The following MSRA variants were observed in gnomAD, a reference collection of about 807,000 sequenced individuals.
MSRA encodes methionine sulfoxide reductase A.
In MSRA, 54 loss-of-function variants were observed where a neutral mutation model predicts 31.3. The ratio of observed to expected loss-of-function variants is 1.73; its 90% CI spans 1.39 to 2.17. MSRA has a LOEUF of 2.17. Among genes scored for constraint, MSRA ranks in the 30% most tolerant of loss-of-function variants. The pLI is 0.00. For synonymous variants in MSRA, 169 were observed against 116.5 expected (o/e 1.45, Z -2.90); for missense variants, 507 against 300.9 (o/e 1.69, Z -5.07).
At chr8:10,344,742 G>A (rs1013328708) in intron 5 of MSRA, among the ~76,000 whole-genome samples, 14 of 152,164 alleles carry the variant, frequency 9.2e-5, no homozygotes, top group African/African-American at 2.9e-4. Flanking sequence ...GGATAGCTTC[G>A]TTCACCAACA....
intron 1 of MSRA, among the ~76,000 whole-genome samples, chr8:10,104,949 G>A (rs924002008): frequency 3.9e-5 from 6 of 152,262 alleles, no homozygotes; most frequent in Admixed American, 1.3e-4. Context: ...CCAACAGTTG[G>A]TAGTACCAGA....
rs1563269347 is a variant in MSRA at position 10,250,537 on chromosome 8, G to C, written c.331+5314G>C. 5 of 694,366 alleles carry C rather than the reference G, an allele frequency of 7.2e-6. No individual in the cohort carries two copies. The Middle Eastern group carries it at 7.0e-4, about 97-fold the overall frequency. 43.0% of individuals were successfully genotyped at this position (694,366 alleles called of 1,614,324 possible). Reference sequence around the variant, plus strand: ...GGAGCTGCACAACTTTTCCTCGTAAGATTTACACAAGCAGCACGGGAAATC... The same window carrying C: ...GGAGCTGCACAACTTTTCCTCGTAACATTTACACAAGCAGCACGGGAAATC... On this transcript the variant is annotated intron_variant, in intron 3 of 5. Coordinates refer to ENST00000317173, the MANE Select transcript of MSRA (RefSeq NM_012331.5).
At chr8:10,372,847 T>C (rs899333765) in intron 5 of MSRA, among the ~76,000 whole-genome samples, 2 of 152,262 alleles carry the variant, frequency 1.3e-5, no homozygotes, top group Admixed American at 1.3e-4. Flanking sequence ...ATTTCCTGTA[T>C]AGGCTTAAGC....
intron 4 of MSRA, among the ~76,000 whole-genome samples, chr8:10,319,440 G>A (rs1031461465): frequency 6.6e-5 from 10 of 152,150 alleles, no homozygotes; most frequent in Non-Finnish European, 1.5e-4. Context: ...CAAGCACCGT[G>A]CCAGGAATTT....
At chr8:10,229,455 G>T (rs952566260) in intron 2 of MSRA, among the ~76,000 whole-genome samples, 3 of 152,134 alleles carry the variant, frequency 2.0e-5, no homozygotes, top group Non-Finnish European at 2.9e-5. Flanking sequence ...GAGGACTGGG[G>T]GCCGGCTCTG....
At chr8:10,263,808 G>A (rs769302551) in intron 3 of MSRA, among the ~76,000 whole-genome samples, 6 of 152,160 alleles carry the variant, frequency 3.9e-5, no homozygotes, top group South Asian at 2.1e-4. Flanking sequence ...GTGTGATTTC[G>A]TTATTGTATT....
intron 1 of MSRA, among the ~76,000 whole-genome samples, chr8:10,086,781 A>C (rs181626078): frequency 6.7e-6 from 1 of 149,798 alleles, no homozygotes; most frequent in African/African-American, 2.4e-5. Context: ...AGTAATGACT[A>C]TGTATATACT....
intron 3 of MSRA, among the ~76,000 whole-genome samples, chr8:10,283,836 T>TATATATATATATACAC (rs1261287031): frequency 2.1e-4 from 11 of 53,164 alleles, no homozygotes; most frequent in Admixed American, 5.0e-4. Context: ...TATATATATA[T>TATATATATATATACAC]ACACACACAC....
chr8:10,204,888 C>T (rs954495246), intron 1 of MSRA, among the ~76,000 whole-genome samples: 9 of 152,228 alleles, frequency 5.9e-5, no homozygotes, highest in African/African-American at 2.2e-4. Context: ...GCTACGACCC[C>T]TGCCCTCCCT....
chr8:10,319,311 C>G (rs1801908913), intron 4 of MSRA, among the ~76,000 whole-genome samples: 1 of 152,120 alleles, frequency 6.6e-6, no homozygotes, highest in African/African-American at 2.4e-5. Context: ...CAGATAGAAA[C>G]TGACTATCAT....
intron 1 of MSRA, among the ~76,000 whole-genome samples, chr8:10,174,303 A>G (rs539911638): frequency 9.0e-4 from 137 of 152,276 alleles, no homozygotes; most frequent in African/African-American, 2.6e-3. Context: ...TGACAGCTAG[A>G]AAAGAGAAGG....
At chr8:10,230,217 C>T (rs990773379) in intron 2 of MSRA, among the ~76,000 whole-genome samples, 8 of 152,208 alleles carry the variant, frequency 5.3e-5, no homozygotes, top group African/African-American at 1.9e-4. Context: ...ATAGGGTAGA[C>T]TATGTACGTG....
chr8:10,285,884 T>G (rs1172952420), intron 3 of MSRA, among the ~76,000 whole-genome samples: 1 of 152,212 alleles, frequency 6.6e-6, no homozygotes, highest in Non-Finnish European at 1.5e-5. Context: ...TATTTCTTCT[T>G]CTGCTTTTAT....
intron 5 of MSRA, among the ~76,000 whole-genome samples, chr8:10,351,598 G>T (rs1804153325): frequency 6.6e-6 from 1 of 152,198 alleles, no homozygotes; most frequent in African/African-American, 2.4e-5. Flanking sequence ...AAAGTGAAAG[G>T]TTTCTGTGAA....
At chr8:10,073,423 C>G (rs564581641) in intron 1 of MSRA, among the ~76,000 whole-genome samples, 1 of 152,248 alleles carries the variant, frequency 6.6e-6, no homozygotes, top group Non-Finnish European at 1.5e-5. Context: ...CAGTGTAACA[C>G]CAGAATCGAG....
chr8:10,283,836 T>TATATATACAC (rs1261287031), intron 3 of MSRA, among the ~76,000 whole-genome samples: 35 of 53,146 alleles, frequency 6.6e-4, no homozygotes, highest in African/African-American at 1.9e-3. Flanking sequence ...TATATATATA[T>TATATATACAC]ACACACACAC....
At chr8:10,313,479 A>C (rs1033637979) in intron 4 of MSRA, among the ~76,000 whole-genome samples, 2 of 152,186 alleles carry the variant, frequency 1.3e-5, no homozygotes, top group East Asian at 3.9e-4. Flanking sequence ...AAAAAAAAAA[A>C]ACAAAAAACA....
intron 1 of MSRA, among the ~76,000 whole-genome samples, chr8:10,068,096 C>G: frequency 6.6e-6 from 1 of 151,934 alleles, no homozygotes; most frequent in East Asian, 1.9e-4. Context: ...GTTTGCCAGG[C>G]TGATGTCGAA....
intron 5 of MSRA, among the ~76,000 whole-genome samples, chr8:10,421,502 A>G (rs1404011732): frequency 6.6e-6 from 1 of 151,730 alleles, no homozygotes; most frequent in Non-Finnish European, 1.5e-5. Flanking sequence ...GGGTGGTATG[A>G]GAGCGTGTCA....
Sources: allele counts gnomAD v4.1 joint callset (sites outside exome capture counted in the v4.1 genomes callset), GRCh38; gene constraint gnomAD v4.1.1; transcripts MANE v1.5; gene names NCBI Gene and HGNC (gene_info 2026-07-23, HGNC 2026-07-21).